Variants in ZNF69 observed in about 807,000 individuals in gnomAD.
ZNF69 encodes ZNF3.
Under a neutral mutation model 50.9 loss-of-function variants are expected in ZNF69, and 47 were observed. The ratio of observed to expected loss-of-function variants is 0.92; its 90% confidence interval spans 0.73 to 1.18. The LOEUF (loss-of-function observed/expected upper bound fraction) is 1.18, where lower values mean the gene tolerates loss of function less well. Among genes scored for constraint, ZNF69 ranks in the 50% most tolerant of loss-of-function variants. The pLI, the probability that ZNF69 is intolerant of heterozygous loss-of-function variation, is 0.00. For missense variants in ZNF69, 717 were observed against 675.1 expected (o/e 1.06, Z -0.69); for synonymous variants, 216 against 223.1 (o/e 0.97, Z 0.29).
intron 1 of ZNF69, among the ~76,000 whole-genome samples, chr19:11,901,920 T>C (rs1304869271): frequency 6.6e-6 from 1 of 152,174 alleles, no homozygotes; most frequent in Non-Finnish European, 1.5e-5. Context: ...TGTATTTTGC[T>C]TTTTTCAATT....
chr19:11,906,161 A>G lies in ZNF69; in HGVS notation c.*63A>G. On this transcript the variant is annotated 3_prime_UTR_variant, in exon 4 of 4. Transcript: ENST00000429654. ...ATGGTAGGACACACAATCAAGAGAA[A>G]CCATGAATGTAAAGAATGTGGGAAA... 6.4e-7 allele frequency: 1 copy of G among 1,573,740 alleles called. No homozygotes were observed. The highest frequency in any genetic ancestry group is 1.7e-4 in the Middle Eastern group (1 of 5,860).
the ZNF69 span, among the ~76,000 whole-genome samples, chr19:11,972,572 A>G: frequency 1.3e-5 from 2 of 152,178 alleles, no homozygotes; most frequent in African/African-American, 2.4e-5. Flanking sequence ...CATCCCCATC[A>G]GTATATTTTA....
chr19:11,928,476 TA>T, the ZNF69 span, among the ~76,000 whole-genome samples: 1 of 149,834 alleles, frequency 6.7e-6, no homozygotes, highest in South Asian at 2.1e-4. Context: ...CTCACGCCTG[TA>T]ATCCCAGCAC....
At chr19:11,979,464 G>T in the ZNF69 span, 1 of 1,604,862 alleles carries the variant, frequency 6.2e-7, no homozygotes, top group Non-Finnish European at 8.5e-7. Flanking sequence ...CCTTATAAAT[G>T]TAAGACATGT....
At chr19:11,919,230 A>G (rs766257497), downstream of ZNF69, among the ~76,000 whole-genome samples, 33 of 151,760 alleles carry the variant, frequency 2.2e-4, no homozygotes, top group Non-Finnish European at 1.3e-4. Flanking sequence ...TTTTTCCTAG[A>G]TAATTACAAT....
chr19:11,956,393 T>C, the ZNF69 span: 4 of 390,710 alleles, frequency 1.0e-5, no homozygotes, highest in African/African-American at 8.3e-5. Flanking sequence ...ATACTTTCCC[T>C]GATGAGGGGT....
intron 1 of ZNF69, among the ~76,000 whole-genome samples, chr19:11,888,287 T>A (rs772862746): frequency 3.3e-5 from 5 of 152,238 alleles, no homozygotes; most frequent in Non-Finnish European, 7.3e-5. Context: ...GAGGGTCATG[T>A]GGGTGATCCC....
the ZNF69 span, chr19:11,947,169 G>A: frequency 2.5e-6 from 4 of 1,613,034 alleles, no homozygotes; most frequent in South Asian, 3.3e-5. Flanking sequence ...CTACACATGT[G>A]AGATGTTTCA....
chr19:11,953,918 T>C, the ZNF69 span, among the ~76,000 whole-genome samples: 2 of 152,330 alleles, frequency 1.3e-5, no homozygotes, highest in South Asian at 4.1e-4. Flanking sequence ...TGTGTTGATG[T>C]TAAGGAATTA....
chr19:11,964,208 G>A, the ZNF69 span, among the ~76,000 whole-genome samples: 7 of 152,234 alleles, frequency 4.6e-5, no homozygotes, highest in Non-Finnish European at 1.0e-4. Context: ...GCTCCAGAAG[G>A]AGTGTGGATT....
chr19:11,900,676 T>C (rs563907699), intron 1 of ZNF69, among the ~76,000 whole-genome samples: 40 of 152,290 alleles, frequency 2.6e-4, no homozygotes, highest in Non-Finnish European at 4.3e-4. Context: ...GATTGGTTGG[T>C]TTTTTTCTTA....
downstream of ZNF69, among the ~76,000 whole-genome samples, chr19:11,915,890 C>A (rs747601557): frequency 6.0e-4 from 92 of 152,148 alleles, no homozygotes; most frequent in Non-Finnish European, 1.1e-3. Context: ...GGTGACAGAG[C>A]GAGACTCTGT....
chr19:11,975,636 C>A, the ZNF69 span, among the ~76,000 whole-genome samples: 1 of 150,204 alleles, frequency 6.7e-6, no homozygotes, highest in Non-Finnish European at 1.5e-5. Context: ...CCCGCCTCGG[C>A]CTACCAAAGT....
the ZNF69 span, among the ~76,000 whole-genome samples, chr19:11,967,057 C>T: frequency 1.3e-5 from 2 of 152,130 alleles, no homozygotes; most frequent in Non-Finnish European, 2.9e-5. Flanking sequence ...TACTCTGGGC[C>T]AGCATGATGG....
At chr19:11,894,766 C>T (rs190933078) in intron 1 of ZNF69, among the ~76,000 whole-genome samples, 2 of 152,246 alleles carry the variant, frequency 1.3e-5, no homozygotes, top group East Asian at 1.9e-4. Context: ...CTTTCCCAGT[C>T]CCAGTTTTCG....
the ZNF69 span, among the ~76,000 whole-genome samples, chr19:11,961,270 A>G: frequency 6.6e-6 from 1 of 152,238 alleles, no homozygotes; most frequent in Non-Finnish European, 1.5e-5. Context: ...ATGTGAGGAC[A>G]AAGCAAGAAG....
the ZNF69 span, among the ~76,000 whole-genome samples, chr19:11,941,612 C>G: frequency 6.6e-6 from 1 of 152,198 alleles, no homozygotes; most frequent in Non-Finnish European, 1.5e-5. Flanking sequence ...CAAGCCCACG[C>G]CCACCCAGAA....
chr19:11,903,031 G>A, intron 1 of ZNF69, among the ~76,000 whole-genome samples: 1 of 152,194 alleles, frequency 6.6e-6, no homozygotes, highest in Non-Finnish European at 1.5e-5. Context: ...CAACTACTCA[G>A]GAGGCTGAGG....
chr19:11,921,502 GT>G, the ZNF69 span, among the ~76,000 whole-genome samples: 2 of 151,546 alleles, frequency 1.3e-5, no homozygotes, highest in East Asian at 3.9e-4. Context: ...TTGTTTGTTT[GT>G]TTGTTTGTTT....
Sources: allele counts gnomAD v4.1 joint callset (sites outside exome capture counted in the v4.1 genomes callset), GRCh38; gene constraint gnomAD v4.1.1; transcripts MANE v1.5; gene names NCBI Gene and HGNC (gene_info 2026-07-23, HGNC 2026-07-21).